The following FGR variants were observed in gnomAD, a reference collection of about 807,000 sequenced individuals.
FGR encodes the protein FGR proto-oncogene, Src family tyrosine kinase, also known as tyrosine-protein kinase Fgr.
FGR carries 26 observed loss-of-function variants against 63.2 expected under a neutral mutation model. The ratio of observed to expected loss-of-function variants is 0.41; its 90% CI spans 0.30 to 0.57. The LOEUF is 0.57. Among genes scored for constraint, FGR ranks in the 20% least tolerant of loss-of-function variants. FGR has a pLI of 0.27. For missense variants in FGR, 511 were observed against 690.8 expected, an observed-to-expected ratio of 0.74 and a Z score of 2.92; for synonymous variants, 286 against 277.7, an observed-to-expected ratio of 1.03 and a Z score of -0.30.
Position 27,614,415 on chromosome 1 carries a change from G to C in FGR, c.1249+15C>G, listed in dbSNP as rs372569371. On this transcript the variant is annotated intron_variant, in intron 11 of 12. Coordinates refer to ENST00000374005, the MANE Select transcript of FGR (RefSeq NM_005248.3). ...TGCATGGGGAGCTCTTGGAAGGTGG[G>C]GTGAAGCAGGGCACCTTGGCAGGGG... 7 of 1,607,116 alleles carry C rather than the reference G, an allele frequency of 4.4e-6. No individual in the cohort carries two copies. The highest frequency in any genetic ancestry group is 5.1e-6 in the Non-Finnish European group (6 of 1,175,528).
rs1453743304 is a variant in FGR at position 27,615,814 on chromosome 1, A to G, written c.713T>C (p.Ile238Thr). Residue 238 changes from isoleucine (I) to threonine (T), a missense_variant, in exon 8 of 13, where the codon ATC (isoleucine) becomes ACC (threonine). Transcript: ENST00000374005. This position sits in a 1 kb window ranked among gnomAD's most constrained non-coding sequence, Gnocchi z 7.6. ...EVNDGLCNLLIAPCTIMKPQT... is the reference protein window; with the variant it reads ...EVNDGLCNLLTAPCTIMKPQT... The stretch of plus-strand genomic sequence containing the variant: ...CGGCTTCATGATGGTGCAGGGCGCG[A>G]TGAGCAGGTTGCACAGCCCGTCATT... 1.3e-6 allele frequency: 2 copies of G among 1,598,014 alleles called. No homozygotes were observed. Among genetic ancestry groups the G allele is most frequent in the Non-Finnish European group, 1.7e-6 (2 of 1,172,308 alleles).
Position 27,615,355 on chromosome 1 carries a change from C to T in FGR, c.1018+79G>A. On this transcript the variant is annotated intron_variant, in intron 9 of 12. Transcript: ENST00000374005. This position sits in a 1 kb window ranked among gnomAD's most constrained non-coding sequence, Gnocchi z 7.6. ...CCATTGTCCCTTGTCCCTCACAGAT[C>T]GCGTCCCAGGTCCCACGCCTGAAAA... The T allele has an allele frequency of 6.8e-7, 1 of 1,463,666 alleles. No homozygotes were observed. Among genetic ancestry groups the T allele is most frequent in the Non-Finnish European group, 9.3e-7 (1 of 1,070,718 alleles). The allele number at this position is 1,463,666 out of a possible 1,614,324, so 90.7% of individuals were successfully genotyped here. A position where few individuals can be genotyped will look rare whatever the true frequency, so the allele number is the denominator to read the frequency against.
At chr1:27,623,205 A>G in intron 3 of FGR, 61 bp from the exon 4 acceptor site, 1 of 1,279,426 alleles carries the variant, frequency 7.8e-7, no homozygotes, top group African/African-American at 1.5e-5. Flanking sequence ...AGGGGGCTGC[A>G]CCCCAAATTC....
At chr1:27,634,208 G>A (rs1459232286) in intron 1 of FGR, among the ~76,000 whole-genome samples, 1 of 152,178 alleles carries the variant, frequency 6.6e-6, no homozygotes, top group Non-Finnish European at 1.5e-5. Context: ...TGCCTTGGAG[G>A]CAGCCCCTGC....
chr1:27,613,048 A>T lies in FGR; in HGVS notation c.1456T>A (p.Ser486Thr). The change falls in exon 13 of 13, where the codon TCC becomes ACC. Residue 486 changes from serine (S) to threonine (T), a missense_variant. By Grantham distance (58) the Ser-to-Thr change is moderately conservative. Coordinates refer to ENST00000374005, the MANE Select transcript of FGR (RefSeq NM_005248.3). Reference protein sequence around the residue: ...HMPCPPGCPASLYEAMEQTWR... With the variant: ...HMPCPPGCPATLYEAMEQTWR... ...GTCTGTTCCATGGCCTCGTACAGGGATGCTGGGCAGCCTGGAGGGCACGGC... is the reference window on the plus strand; with the variant it reads ...GTCTGTTCCATGGCCTCGTACAGGGTTGCTGGGCAGCCTGGAGGGCACGGC... The T allele has an allele frequency of 6.2e-7, 1 of 1,614,138 alleles. No homozygotes were observed. Among genetic ancestry groups the T allele is most frequent in the Non-Finnish European group, 8.5e-7 (1 of 1,180,016 alleles).
At position 27,614,874 on chromosome 1, in the gene FGR, G is replaced by T; in HGVS notation, c.1071C>A (p.Pro357=). Residue 357 remains proline, a synonymous_variant, in exon 10 of 13, where the codon CCC becomes CCA. Coordinates refer to ENST00000374005, the MANE Select transcript of FGR (RefSeq NM_005248.3). The part of the protein sequence containing the change: ...KNPEGQDLRL[P]QLVDMAAQVA... ...CCTGGGCTGCCATGTCCACCAATTGGGGCAGCCTCAAATCCTGGCCCTCTG... is the reference window on the plus strand; with the variant it reads ...CCTGGGCTGCCATGTCCACCAATTGTGGCAGCCTCAAATCCTGGCCCTCTG... 1 of 1,596,384 alleles carries T rather than the reference G, an allele frequency of 6.3e-7. No homozygotes were observed. Among genetic ancestry groups the T allele is most frequent in the Non-Finnish European group, 8.5e-7 (1 of 1,170,240 alleles).
chr1:27,616,758 A>G lies in FGR; in HGVS notation c.682+99T>C. ...TTGGGTTCTGGTTTCCGTCTGGCCA[A>G]TACTGCTTGGTAGTCCCTTCCCTTC... is the stretch of plus-strand genomic sequence containing the variant. On this transcript the variant is annotated intron_variant, in intron 7 of 12. Coordinates refer to ENST00000374005, the MANE Select transcript of FGR (RefSeq NM_005248.3). This position sits in a 1 kb window ranked among gnomAD's most constrained non-coding sequence, Gnocchi z 4.3. The G allele has an allele frequency of 2.9e-6, 4 of 1,365,554 alleles. No homozygotes were observed. Among genetic ancestry groups the G allele is most frequent in the African/African-American group, 1.4e-5 (1 of 70,308 alleles). The allele number at this position is 1,365,554 out of a possible 1,614,324, so 84.6% of individuals were successfully genotyped here.
chr1:27,631,510 C>T (rs1170781012), intron 1 of FGR, among the ~76,000 whole-genome samples: 1 of 152,256 alleles, frequency 6.6e-6, no homozygotes, highest in Non-Finnish European at 1.5e-5. Context: ...TGACAACTAG[C>T]TTAAGGCATT....
chr1:27,622,887 C>T (rs540075354), intron 4 of FGR, among the ~76,000 whole-genome samples, 155 bp downstream of exon 4: 49 of 152,344 alleles, frequency 3.2e-4, no homozygotes, highest in African/African-American at 1.1e-3. Flanking sequence ...CCCCCTCAAC[C>T]AGCACACAGT....
chr1:27,612,896 G>C lies in FGR; in HGVS notation c.*18C>G. ...AGGACTGGTGGCCACCGCCAGAGAG[G>C]GTTGATGCCCGGACAGGCTATGTCT... is the stretch of plus-strand genomic sequence containing the variant. On this transcript the variant is annotated 3_prime_UTR_variant, in exon 13 of 13. Coordinates refer to ENST00000374005, the MANE Select transcript of FGR (RefSeq NM_005248.3). 1.2e-6 allele frequency: 2 copies of C among 1,607,640 alleles called. No homozygotes were observed. The highest frequency in any genetic ancestry group is 1.1e-5 in the South Asian group (1 of 90,702).
chr1:27,615,676 G>T lies in FGR; in HGVS notation c.838+13C>A. 16 of 1,593,550 alleles carry T rather than the reference G, an allele frequency of 1.0e-5. No individual in the cohort carries two copies. The highest frequency in any genetic ancestry group is 1.3e-5 in the Non-Finnish European group (15 of 1,164,776). On this transcript the variant is annotated intron_variant, in intron 8 of 12. Coordinates refer to ENST00000374005, the MANE Select transcript of FGR (RefSeq NM_005248.3). This position sits in a 1 kb window ranked among gnomAD's most constrained non-coding sequence, Gnocchi z 7.6. ...AGCCCAGGCCCTCGTCCCGGCCCCC[G>T]GGAGCTCCGTACCCAGCCACACATC...
intron 5 of FGR, among the ~76,000 whole-genome samples, chr1:27,619,554 G>T (rs181895386): frequency 2.0e-5 from 3 of 152,070 alleles, no homozygotes; most frequent in Admixed American, 2.0e-4. Flanking sequence ...GCCCTAGCCC[G>T]TTGTGCCCTC....
intron 5 of FGR, among the ~76,000 whole-genome samples, chr1:27,619,883 A>T (rs186691423): frequency 6.6e-6 from 1 of 152,090 alleles, no homozygotes; most frequent in South Asian, 2.1e-4. Context: ...CATAACCCAA[A>T]TCAGTCACAG....
chr1:27,627,494 T>C (rs935211443), intron 1 of FGR, among the ~76,000 whole-genome samples: 12 of 151,632 alleles, frequency 7.9e-5, no homozygotes, highest in Non-Finnish European at 1.8e-4. Flanking sequence ...TATAAAAGAA[T>C]AGCAAATACA....
chr1:27,632,008 G>A (rs1386759660), intron 1 of FGR, among the ~76,000 whole-genome samples: 3 of 151,770 alleles, frequency 2.0e-5, no homozygotes, highest in Non-Finnish European at 4.4e-5. Context: ...CAGACCGGGC[G>A]GGCTTCCATC....
chr1:27,634,511 C>T (rs2090151507), intron 1 of FGR, among the ~76,000 whole-genome samples: 1 of 152,180 alleles, frequency 6.6e-6, no homozygotes, highest in Non-Finnish European at 1.5e-5. Context: ...TCGGCCGGCT[C>T]GGAAGAGGGG....
intron 1 of FGR, among the ~76,000 whole-genome samples, chr1:27,627,447 A>AACACACACACACACACAC (rs3076985): frequency 1.1e-4 from 17 of 148,392 alleles, no homozygotes; most frequent in African/African-American, 4.0e-4. Context: ...CATGCACATG[A>AACACACACACACACACAC]ACACACACAC....
At chr1:27,624,618 A>T (rs1020974124) in intron 2 of FGR, among the ~76,000 whole-genome samples, 28 of 151,750 alleles carry the variant, frequency 1.8e-4, no homozygotes, top group Admixed American at 1.6e-3. Flanking sequence ...TGTGTATACG[A>T]GAGTGTATAA....
intron 1 of FGR, among the ~76,000 whole-genome samples, chr1:27,634,126 C>T: frequency 7.1e-6 from 1 of 141,744 alleles, no homozygotes; most frequent in South Asian, 2.6e-4. Context: ...CAAAAGGGGG[C>T]GAAGGCGGAG....
Sources: gnomAD v4.1 joint callset for allele counts (sites outside exome capture counted in the v4.1 genomes callset) on GRCh38, gnomAD v4.1.1 for gene constraint, Gnocchi (gnomAD v3.1) non-coding constraint, MANE v1.5 for transcripts, NCBI Gene and HGNC (gene_info 2026-07-23, HGNC 2026-07-21) for gene names.